USF3: variants seen among roughly 807,000 people sequenced by gnomAD.
The protein encoded by USF3 is basic helix-loop-helix domain-containing protein USF3.
A neutral mutation model predicts 157.5 loss-of-function variants in USF3; 29 were observed. The observed-to-expected ratio is 0.18, with a 90% CI of 0.14 to 0.25. The LOEUF (loss-of-function observed/expected upper bound fraction) is 0.25, where lower values mean the gene tolerates loss of function less well. Among genes scored for constraint, USF3 ranks in the 10% least tolerant of loss-of-function variants. The pLI, the probability that USF3 is intolerant of heterozygous loss-of-function variation, is 1.00. For synonymous variants in USF3, 893 were observed against 941.4 expected, an observed-to-expected ratio of 0.95 and a Z score of 0.94; for missense variants, 2,381 against 2,667.6, an observed-to-expected ratio of 0.89 and a Z score of 2.37.
rs200574728 is a variant in USF3 at position 113,660,226 on chromosome 3, C to G, written c.1456G>C (p.Ala486Pro). 4.6e-5 allele frequency: 74 copies of G among 1,614,024 alleles called. No homozygotes were observed. Among genetic ancestry groups the G allele is most frequent in the Non-Finnish European group, 5.9e-5 (70 of 1,180,040 alleles). Residue 486 changes from alanine (A) to proline (P), a missense_variant, in exon 7 of 7, where the codon GCA (alanine) becomes CCA (proline). Coordinates refer to ENST00000316407, the MANE Select transcript of USF3 (RefSeq NM_001009899.4). ...ACTTGCTCAACTGGCTGCCCATCTG[C>G]TGGAAAGGAATTATTCAAGTTGATG... ...TDINLNNSFPADGQPVEQVVV... is the reference protein window; with the variant it reads ...TDINLNNSFPPDGQPVEQVVV...
chr3:113,675,453 A>T (rs1707260640), intron 2 of USF3, among the ~76,000 whole-genome samples: 1 of 152,206 alleles, frequency 6.6e-6, no homozygotes, highest in Admixed American at 6.5e-5. Flanking sequence ...ACTGTCATTA[A>T]AATCTGGGTA....
intron 4 of USF3, among the ~76,000 whole-genome samples, chr3:113,670,873 C>G (rs1344472704): frequency 2.6e-5 from 4 of 152,012 alleles, no homozygotes; most frequent in African/African-American, 9.7e-5. Flanking sequence ...TCCCGAATAG[C>G]TGGGACCACA....
Position 113,652,987 on chromosome 3 carries a change from A to G in USF3, c.*1957T>C. 1.9e-6 allele frequency: 2 copies of G among 1,079,666 alleles called. No individual in the cohort carries two copies. Among genetic ancestry groups the G allele is most frequent in the South Asian group, 1.6e-5 (1 of 64,378 alleles). 66.9% of individuals were successfully genotyped at this position (1,079,666 alleles called of 1,614,324 possible). A position where few individuals can be genotyped will look rare whatever the true frequency, so the allele number is the denominator to read the frequency against. On this transcript the variant is annotated 3_prime_UTR_variant, in exon 7 of 7. Transcript: ENST00000316407. ...TGAGGAAGAGGAACTTGAAAAAGGA[A>G]TATTCAAGGTGCTGTTCCTGGTGTT...
At position 113,655,598 on chromosome 3, in the gene USF3, T is replaced by C. The variant is rs201490294; in HGVS notation, c.6084A>G (p.Gln2028=). The C allele has an allele frequency of 3.5e-4, 565 of 1,614,044 alleles. 1 individual carries two copies. In the African/African-American group the frequency reaches 6.8e-3, roughly 20 times the overall value. Residue 2028 remains glutamine (Q), a synonymous_variant, in exon 7 of 7, where the codon CAA becomes CAG. Coordinates refer to ENST00000316407, the MANE Select transcript of USF3 (RefSeq NM_001009899.4). ...TGGSMILGRQ[Q]PATEKRGSIV... is the part of the protein sequence containing the mutation. ...TACTTCCTCTCTTCTCTGTGGCAGG[T>C]TGTTGACGTCCAAGAATCATACTGC...
chr3:113,696,246 G>A, intron 1 of USF3, 124 bp downstream of exon 1: 1 of 152,762 alleles, frequency 6.5e-6, no homozygotes, highest in Non-Finnish European at 1.5e-5. Context: ...CGCAGCCCTG[G>A]CCTCCCGGAG....
In USF3 at chr3:113,657,679, C is replaced by T; in HGVS notation, c.4003G>A (p.Asp1335Asn). 1 of 1,614,150 alleles carries T rather than the reference C, an allele frequency of 6.2e-7. No homozygotes were observed. Among genetic ancestry groups the T allele is most frequent in the Non-Finnish European group, 8.5e-7 (1 of 1,180,040 alleles). ...CGTTTAGCTGAAGACAGTAAAAGGT[C>T]ATCTTGGACAGCACGCTTAGCAGAA... ...KDSAKRAVQDDLLLSSAKRQK... is the reference protein window; with the variant it reads ...KDSAKRAVQDNLLLSSAKRQK... Residue 1335 changes from aspartate (D) to asparagine (N), a missense_variant, in exon 7 of 7, where the codon GAC becomes AAC. Physicochemically the swap from Asp to Asn is conservative, Grantham distance 23. Coordinates refer to ENST00000316407, the MANE Select transcript of USF3 (RefSeq NM_001009899.4).
At chr3:113,669,487 GTGA>G (rs1036828729) in intron 5 of USF3, among the ~76,000 whole-genome samples, 2 of 152,106 alleles carry the variant, frequency 1.3e-5, no homozygotes, top group African/African-American at 4.8e-5. Context: ...CATTATAATA[GTGA>G]TTATTGCTTG....
intron 5 of USF3, among the ~76,000 whole-genome samples, chr3:113,669,529 C>T (rs758591502): frequency 6.6e-6 from 1 of 151,922 alleles, no homozygotes; most frequent in Non-Finnish European, 1.5e-5. Flanking sequence ...ATTTTTTAAA[C>T]CTTTTTGTGC....
At chr3:113,674,777 T>C in intron 3 of USF3, 55 bp downstream of exon 3, 1 of 1,435,542 alleles carries the variant, frequency 7.0e-7, no homozygotes, top group Admixed American at 1.7e-5. Context: ...AAATAGGAAC[T>C]AATTCTGCTT....
At position 113,657,843 on chromosome 3, in the gene USF3, C is replaced by T. The variant is rs775058911; in HGVS notation, c.3839G>A (p.Ser1280Asn). 99 of 1,613,986 alleles carry T rather than the reference C, an allele frequency of 6.1e-5. No individual in the cohort carries two copies. The highest frequency in any genetic ancestry group is 8.1e-5 in the Non-Finnish European group (95 of 1,180,022). The change falls in exon 7 of 7, where the codon AGC becomes AAC. Residue 1280 changes from serine to asparagine, a missense_variant. Physicochemically the swap from Ser to Asn is conservative, Grantham distance 46 (BLOSUM62 1). This residue lies in a region of USF3 where 1,435 missense variants were observed against 1,550.9 expected (regional missense o/e 0.93). Coordinates refer to ENST00000316407, the MANE Select transcript of USF3 (RefSeq NM_001009899.4). ...PATVNLTVSS[S>N]SYGSQPPGPS... ...TCCAGGAGGTTGACTGCCATAGGAG[C>T]TAGATGAAACGGTCAGATTAACCGT...
Position 113,657,160 on chromosome 3 carries a change from TA to T in USF3, c.4521del (p.His1507GlnfsTer125). ...HAESSVHSQP[H>X]NVHQQRTLQQ... Reference sequence around the variant, plus strand: ...TGCAGAGTCCTCTGTTGGTGGACATTATGGGGCTGAGAGTGGACAGAGCTCT... The same window carrying T: ...TGCAGAGTCCTCTGTTGGTGGACATTTGGGGCTGAGAGTGGACAGAGCTCT... On this transcript the variant is annotated frameshift_variant, in exon 7 of 7. Coordinates refer to ENST00000316407, the MANE Select transcript of USF3 (RefSeq NM_001009899.4). LOFTEE classifies it high-confidence loss of function. 6.2e-7 allele frequency: 1 copy of T among 1,614,132 alleles called. No homozygotes were observed. The highest frequency in any genetic ancestry group is 8.5e-7 in the Non-Finnish European group (1 of 1,180,010).
intron 1 of USF3, among the ~76,000 whole-genome samples, chr3:113,693,700 C>CTTAAA (rs1707739383): frequency 6.6e-6 from 1 of 152,190 alleles, no homozygotes; most frequent in African/African-American, 2.4e-5. Flanking sequence ...CTGCCACATA[C>CTTAAA]CGTAAGCCTA....
At position 113,659,040 on chromosome 3, in the gene USF3, G is replaced by A. The variant is rs760900951; in HGVS notation, c.2642C>T (p.Ser881Leu). The stretch of plus-strand genomic sequence containing the variant: ...GGACTTTTCTGCTGACTTAGATTTC[G>A]ATACAGACTCAGGTATTAATGATTC... The part of the protein sequence containing the change: ...SSESLIPESV[S>L]KSKSAEKSSP... The change falls in exon 7 of 7, where the codon TCG (serine) becomes TTG (leucine). Residue 881 changes from serine to leucine, a missense_variant. By Grantham distance (145) the Ser-to-Leu change is moderately radical. Transcript: ENST00000316407. The A allele has an allele frequency of 1.2e-5, 19 of 1,613,982 alleles. No individual in the cohort carries two copies. Among genetic ancestry groups the A allele is most frequent in the Admixed American group, 3.3e-5 (2 of 59,996 alleles).
Position 113,656,837 on chromosome 3 carries a change from C to A in USF3, c.4845G>T (p.Gly1615=), listed in dbSNP as rs767983835. Residue 1615 remains glycine, a synonymous_variant, in exon 7 of 7, where the codon GGG becomes GGT. Transcript: ENST00000316407. The part of the protein sequence containing the change: ...QDVGSRQQGS[G]VSSEHVSGHN... ...GGCCAGATACATGTTCAGATGAAAC[C>A]CCTGAACCTTGCTGTCTGCTTCCAA... 1.8e-5 allele frequency: 29 copies of A among 1,614,190 alleles called. No homozygotes were observed. The highest frequency in any genetic ancestry group is 2.2e-5 in the Non-Finnish European group (26 of 1,180,024).
At chr3:113,674,747 T>C in intron 3 of USF3, 85 bp downstream of exon 3, 1 of 1,031,106 alleles carries the variant, frequency 9.7e-7, no homozygotes, top group South Asian at 1.3e-5. Context: ...AAAAGTTCTC[T>C]AAGGACTACC....
chr3:113,658,152 T>C lies in USF3; in HGVS notation c.3530A>G (p.Lys1177Arg), dbSNP rs1309721953. Residue 1177 changes from lysine to arginine, a missense_variant, in exon 7 of 7, where the codon AAA becomes AGA. Physicochemically the swap from Lys to Arg is conservative, Grantham distance 26. This residue lies in a region of USF3 where 1,435 missense variants were observed against 1,550.9 expected (regional missense o/e 0.93). Coordinates refer to ENST00000316407, the MANE Select transcript of USF3 (RefSeq NM_001009899.4). Reference protein sequence around the residue: ...ASLLEGDPPFKSQIPKESGTG... With the variant: ...ASLLEGDPPFRSQIPKESGTG... ...GCCACTCTCTTTAGGTATCTGTGAT[T>C]TGAAGGGTGGGTCTCCCTCTAACAA... 2 of 1,614,068 alleles carry C rather than the reference T, an allele frequency of 1.2e-6. No homozygotes were observed. The highest frequency in any genetic ancestry group is 4.5e-5 in the East Asian group (2 of 44,900).
intron 1 of USF3, among the ~76,000 whole-genome samples, chr3:113,689,832 T>G (rs989819471): frequency 1.3e-5 from 2 of 152,214 alleles, no homozygotes; most frequent in African/African-American, 4.8e-5. Context: ...AAATTCTCTC[T>G]CCTAGGTTAT....
At chr3:113,683,141 C>T (rs67550112) in intron 1 of USF3, among the ~76,000 whole-genome samples, 47,712 of 151,496 alleles carry the variant, frequency 0.31, 7,606 homozygotes, top group Non-Finnish European at 0.35. Context: ...CCTGAGGTTA[C>T]CATGAGGCTT....
intron 1 of USF3, among the ~76,000 whole-genome samples, chr3:113,684,783 A>C (rs1341761238): frequency 1.3e-5 from 2 of 152,128 alleles, no homozygotes; most frequent in Non-Finnish European, 2.9e-5. Flanking sequence ...AAGCTTCCTC[A>C]AAACAGCTAT....
Sources: allele counts gnomAD v4.1 joint callset (sites outside exome capture counted in the v4.1 genomes callset), GRCh38; gene constraint gnomAD v4.1.1; regional missense constraint gnomAD v4.1.1; transcripts MANE v1.5; gene names NCBI Gene and HGNC (gene_info 2026-07-23, HGNC 2026-07-21).